SETX: variants seen among roughly 807,000 people sequenced by gnomAD.
The protein encoded by SETX is senataxin.
Under a neutral mutation model 227.2 loss-of-function variants are expected in SETX, and 90 were observed. The observed-to-expected ratio is 0.40, with a 90% CI of 0.33 to 0.47. The LOEUF (loss-of-function observed/expected upper bound fraction) is 0.47. SETX is among the 20% of genes least tolerant of loss of function. SETX has a pLI of 0.91. For missense variants in SETX, 3,052 were observed against 3,181.5 expected, an observed-to-expected ratio of 0.96 and a Z score of 0.98; for synonymous variants, 1,210 against 1,113.2, an observed-to-expected ratio of 1.09 and a Z score of -1.73.
intron 7 of SETX, 27 bp downstream of exon 7, chr9:132,334,581 C>G: frequency 1.2e-6 from 2 of 1,612,908 alleles, no homozygotes; most frequent in Non-Finnish European, 1.7e-6. Flanking sequence ...CTATATTCAA[C>G]AACATTCAGC....
At chr9:132,296,726 C>T (rs988240439) in intron 14 of SETX, among the ~76,000 whole-genome samples, 161 bp downstream of exon 14, 1 of 152,048 alleles carries the variant, frequency 6.6e-6, no homozygotes, top group Non-Finnish European at 1.5e-5. Context: ...ACCTTCCCTC[C>T]CTCTGCCACC....
At chr9:132,348,066 A>C (rs1284538473) in intron 3 of SETX, among the ~76,000 whole-genome samples, 2 of 151,936 alleles carry the variant, frequency 1.3e-5, no homozygotes, top group East Asian at 3.9e-4. Context: ...CAATTAAAAA[A>C]AAAAAACCCT....
chr9:132,264,591 G>A lies in SETX; in HGVS notation c.7682C>T (p.Ser2561Leu), dbSNP rs147705644. 33 of 1,614,170 alleles carry A rather than the reference G, an allele frequency of 2.0e-5. No individual in the cohort carries two copies. Among genetic ancestry groups the A allele is most frequent in the African/African-American group, 8.0e-5 (6 of 75,028 alleles). ...TGTTGCTCCAGGATGCTGGGGGCTC[G>A]AGGGTTGTGGATCCCAAAGGAATAT... The part of the protein sequence containing the change: ...GGIFLWDPQP[S>L]SPQHPGATPP... Residue 2561 changes from serine (S) to leucine (L), a missense_variant, in exon 26 of 26, where the codon TCG (serine) becomes TTG (leucine). Coordinates refer to ENST00000224140, the MANE Select transcript of SETX (RefSeq NM_015046.7).
At chr9:132,307,152 G>A (rs1845380829) in intron 11 of SETX, among the ~76,000 whole-genome samples, 1 of 152,112 alleles carries the variant, frequency 6.6e-6, no homozygotes, top group South Asian at 2.1e-4. Flanking sequence ...CTACTGAGGA[G>A]GCTGAGGCAG....
At chr9:132,337,009 T>C (rs1250580692) in intron 5 of SETX, among the ~76,000 whole-genome samples, 1 of 152,174 alleles carries the variant, frequency 6.6e-6, no homozygotes, top group Non-Finnish European at 1.5e-5. Flanking sequence ...AAGGTTGCAG[T>C]GAGCCAAGAT....
At chr9:132,292,430 A>G (rs75608058) in intron 15 of SETX, among the ~76,000 whole-genome samples, 15,307 of 149,178 alleles carry the variant, frequency 0.1, 938 homozygotes, top group East Asian at 0.23. Flanking sequence ...AAAAAAAAAA[A>G]AAAAAAAGAA....
chr9:132,317,669 T>C (rs11243729), intron 10 of SETX, among the ~76,000 whole-genome samples: 8,499 of 152,020 alleles, frequency 0.056, 369 homozygotes, highest in East Asian at 0.25. Context: ...CACTTTGTTG[T>C]CCAGGCTGGT....
At chr9:132,343,212 G>A (rs1005032179) in intron 4 of SETX, among the ~76,000 whole-genome samples, 1 of 152,076 alleles carries the variant, frequency 6.6e-6, no homozygotes, top group Non-Finnish European at 1.5e-5. Flanking sequence ...CCAGCTACTC[G>A]GAAGGCTGAG....
chr9:132,337,831 T>A (rs1466599062), intron 5 of SETX, among the ~76,000 whole-genome samples: 1 of 152,166 alleles, frequency 6.6e-6, no homozygotes, highest in Non-Finnish European at 1.5e-5. Flanking sequence ...ATTTAGGAGA[T>A]CTTGATGAAA....
Position 132,354,981 on chromosome 9 carries a change from G to A in SETX, c.-179C>T, listed in dbSNP as rs1848833955. 6.6e-6 allele frequency: 1 copy of A among 152,240 alleles called. No individual in the cohort carries two copies. Among genetic ancestry groups the A allele is most frequent in the Admixed American group, 6.5e-5 (1 of 15,278 alleles). 9.4% of individuals were successfully genotyped at this position (152,240 alleles called of 1,614,324 possible). A position where few individuals can be genotyped will look rare whatever the true frequency, so the allele number is the denominator to read the frequency against. On this transcript the variant is annotated 5_prime_UTR_variant, in exon 1 of 26. Transcript: ENST00000224140. ...CCGGGCCCCGCTCTAGGCCACCAGC[G>A]GAAGTGCGGGCCCGCAGCCGCAGCT...
At chr9:132,353,556 C>T (rs1848713911) in intron 2 of SETX, 93 bp downstream of exon 2, 1 of 151,956 alleles carries the variant, frequency 6.6e-6, no homozygotes, top group Non-Finnish European at 1.5e-5. Flanking sequence ...TCTCTGATGA[C>T]CTTCTTCTCT....
Position 132,263,892 on chromosome 9 carries a change from A to G in SETX, c.*347T>C, listed in dbSNP as rs1842501546. The G allele has an allele frequency of 3.9e-6, 1 of 253,908 alleles. No homozygotes were observed. Among genetic ancestry groups the G allele is most frequent in the East Asian group, 9.5e-5 (1 of 10,498 alleles). The allele number at this position is 253,908 out of a possible 1,614,324, so 15.7% of individuals were successfully genotyped here. Reference sequence around the variant, plus strand: ...GGGGGAAAGAAAAGCGGTCTACTAGATTAAATTTTAAAAGGATTTTGTTAT... The same window carrying G: ...GGGGGAAAGAAAAGCGGTCTACTAGGTTAAATTTTAAAAGGATTTTGTTAT... On this transcript the variant is annotated 3_prime_UTR_variant, in exon 26 of 26. Transcript: ENST00000224140.
intron 9 of SETX, 57 bp downstream of exon 9, chr9:132,330,995 A>C: frequency 7.7e-7 from 1 of 1,295,392 alleles, no homozygotes; most frequent in Non-Finnish European, 1.1e-6. Context: ...TATACAAAAT[A>C]GTCTACACAA....
At chr9:132,278,706 C>T (rs1445236532) in intron 20 of SETX, among the ~76,000 whole-genome samples, 8 of 152,050 alleles carry the variant, frequency 5.3e-5, no homozygotes, top group Admixed American at 5.2e-4. Flanking sequence ...TGAAAGACAA[C>T]TGATGCTATT....
In SETX at chr9:132,264,499, C is replaced by T. The variant is rs1271581517; in HGVS notation, c.7774G>A (p.Ala2592Thr). The stretch of plus-strand genomic sequence containing the variant: ...TGGCTGCTCAGAGCAGCCACTACAG[C>T]AGCGGGCTGCTGTATATGGCTCAGG... ...QDLSHIQQPA[A>T]VVAALSSHKP... Residue 2592 changes from alanine to threonine, a missense_variant, in exon 26 of 26, where the codon GCT (alanine) becomes ACT (threonine). Coordinates refer to ENST00000224140, the MANE Select transcript of SETX (RefSeq NM_015046.7). The T allele has an allele frequency of 1.2e-6, 2 of 1,613,770 alleles. No homozygotes were observed. The highest frequency in any genetic ancestry group is 2.7e-5 in the African/African-American group (2 of 74,906).
At chr9:132,321,776 A>G (rs1008796371) in intron 10 of SETX, among the ~76,000 whole-genome samples, 10 of 152,028 alleles carry the variant, frequency 6.6e-5, no homozygotes, top group Admixed American at 6.6e-4. Flanking sequence ...TGAACCCAAG[A>G]GGCAGAGGTT....
Position 132,328,355 on chromosome 9 carries a change from A to G in SETX, c.3243T>C (p.Phe1081=). 2 of 1,614,062 alleles carry G rather than the reference A, an allele frequency of 1.2e-6. No homozygotes were observed. The highest frequency in any genetic ancestry group is 1.7e-6 in the Non-Finnish European group (2 of 1,180,004). ...ACACTTCAGATGAACTTTCAAACTC[A>G]AAACACTGAGAATCAGATTCCTCAA... ...FQFEESDSQC[F]EFESSSEVFS... The change falls in exon 10 of 26, where the codon TTT becomes TTC. Residue 1081 remains phenylalanine, a synonymous_variant. Transcript: ENST00000224140.
chr9:132,333,287 G>A (rs1847360648), intron 7 of SETX, among the ~76,000 whole-genome samples: 1 of 150,210 alleles, frequency 6.7e-6, no homozygotes, highest in South Asian at 2.1e-4. Context: ...GCTAAGGCAG[G>A]AGAATCGCTT....
At chr9:132,344,892 A>G (rs953059212) in intron 4 of SETX, among the ~76,000 whole-genome samples, 12 of 148,018 alleles carry the variant, frequency 8.1e-5, no homozygotes, top group African/African-American at 2.5e-4. Context: ...AAAAAAAGGT[A>G]TTGTTAGATT....
Sources: gnomAD v4.1 joint callset for allele counts (sites outside exome capture counted in the v4.1 genomes callset) on GRCh38, gnomAD v4.1.1 for gene constraint, MANE v1.5 for transcripts, NCBI Gene and HGNC (gene_info 2026-07-23, HGNC 2026-07-21) for gene names.